ANO10: variants seen among roughly 807,000 people sequenced by gnomAD.
ANO10 encodes anoctamin-10.
A neutral mutation model predicts 74.7 loss-of-function variants in ANO10; 77 were observed. That is an observed-to-expected ratio of 1.03 (90% CI 0.86 to 1.25). The LOEUF (loss-of-function observed/expected upper bound fraction) is 1.25, where lower values mean the gene tolerates loss of function less well. Ranked by LOEUF, ANO10 falls within the 50% of genes most tolerant of loss-of-function variation. The probability of loss-of-function intolerance (pLI) is 0.00; values close to 1 mark genes in which losing one functional copy is unlikely to be tolerated. For synonymous variants in ANO10, 279 were observed against 284.9 expected (o/e 0.98, Z 0.21); for missense variants, 721 against 778.1 (o/e 0.93, Z 0.87).
intron 1 of ANO10, chr3:43,690,265 G>A (rs930043399): frequency 6.6e-6 from 1 of 152,278 alleles, no homozygotes; most frequent in African/African-American, 2.4e-5. Flanking sequence ...CTTCAGCTCA[G>A]GCTGGTCTCC....
intron 12 of ANO10, chr3:43,372,702 T>C: frequency 4.3e-6 from 3 of 700,900 alleles, no homozygotes; most frequent in Non-Finnish European, 7.3e-6. Context: ...GCAGATTTTT[T>C]TTCTGTCTTA....
chr3:43,395,584 T>C (rs1388254789), intron 12 of ANO10, among the ~76,000 whole-genome samples: 1 of 152,196 alleles, frequency 6.6e-6, no homozygotes, highest in Non-Finnish European at 1.5e-5. Flanking sequence ...CAAAAATCAG[T>C]AGTACATACA....
At chr3:43,637,194 G>T (rs145676295) in intron 1 of ANO10, among the ~76,000 whole-genome samples, 1 of 151,044 alleles carries the variant, frequency 6.6e-6, no homozygotes, top group Non-Finnish European at 1.5e-5. Flanking sequence ...AAAGCTGGGT[G>T]CGGTGGCTCA....
Position 43,662,638 on chromosome 3 carries a change from A to G in ANO10, c.-12+28879T>C, listed in dbSNP as rs371051960. On this transcript the variant is annotated intron_variant, in intron 1 of 3. Transcript: ENST00000413397. ...GATTTTTTGAAAAGATCAACAAAAT[A>G]GACCGCTACCAAGACTAGTGAAGAA... is the stretch of plus-strand genomic sequence containing the variant. Among the ~76,000 whole-genome samples, 4 of 152,290 alleles carry G rather than the reference A, an allele frequency of 2.6e-5. No homozygotes were observed. In the East Asian group the frequency reaches 5.8e-4, roughly 22 times the overall value.
intron 11 of ANO10, among the ~76,000 whole-genome samples, chr3:43,511,449 G>A (rs778781955): frequency 4.7e-4 from 71 of 152,178 alleles, no homozygotes; most frequent in African/African-American, 8.7e-4. Flanking sequence ...TTAAATTAAC[G>A]TCTAACATCC....
rs1258356898 is a variant in ANO10 at position 43,600,168 on chromosome 3, C to G, written c.337+216G>C. On this transcript the variant is annotated intron_variant, in intron 3 of 12. Coordinates refer to ENST00000292246, the MANE Select transcript of ANO10 (RefSeq NM_018075.5). ...TTTATAAATACAGTTTTATTGAACA[C>G]AGCCTCGCCCATTCATTTACTTATG... 2.0e-5 allele frequency among the ~76,000 whole-genome samples: 3 copies of G among 152,232 alleles called. No individual in the cohort carries two copies. In the East Asian group the frequency reaches 5.8e-4, roughly 29 times the overall value.
At chr3:43,621,804 C>T (rs1488355082) in intron 1 of ANO10, 105 bp downstream of exon 1, 1 of 152,962 alleles carries the variant, frequency 6.5e-6, no homozygotes, top group African/African-American at 2.4e-5. Flanking sequence ...AGGGCGGCGA[C>T]CAGGCGGAGC....
intron 1 of ANO10, among the ~76,000 whole-genome samples, chr3:43,630,560 G>A (rs1481030467): frequency 6.6e-6 from 1 of 152,100 alleles, no homozygotes; most frequent in Non-Finnish European, 1.5e-5. Flanking sequence ...GAGTATATAT[G>A]CCCCAAGTAA....
chr3:43,506,273 C>G (rs1054654760), intron 11 of ANO10, among the ~76,000 whole-genome samples: 5 of 152,172 alleles, frequency 3.3e-5, no homozygotes, highest in African/African-American at 1.2e-4. Context: ...CCCCTCACCT[C>G]CAACGTATTA....
At chr3:43,586,280 G>A (rs114697207) in intron 4 of ANO10, among the ~76,000 whole-genome samples, 117 of 152,222 alleles carry the variant, frequency 7.7e-4, no homozygotes, top group Non-Finnish European at 1.5e-3. Flanking sequence ...AAGGATGGAA[G>A]GTAACTAGCT....
At chr3:43,373,841 G>A (rs1056748644) in intron 12 of ANO10, among the ~76,000 whole-genome samples, 3 of 152,180 alleles carry the variant, frequency 2.0e-5, no homozygotes, top group Non-Finnish European at 4.4e-5. Flanking sequence ...AGAAAGAGCT[G>A]GATGCTAACA....
intron 2 of ANO10, among the ~76,000 whole-genome samples, chr3:43,602,532 C>T (rs1354747096): frequency 6.6e-6 from 1 of 152,166 alleles, no homozygotes; most frequent in African/African-American, 2.4e-5. Flanking sequence ...GATGGGGTTT[C>T]ACTGTGTTAG....
chr3:43,396,075 T>A lies in ANO10; in HGVS notation c.1915-29101A>T, dbSNP rs538670133. Among the ~76,000 whole-genome samples, 1,232 of 149,374 alleles carry A rather than the reference T, an allele frequency of 8.2e-3. 15 individuals carry two copies. The highest frequency in any genetic ancestry group is 0.027 in the African/African-American group (1,106 of 41,230). On this transcript the variant is annotated intron_variant, in intron 12 of 12. Coordinates refer to ENST00000292246, the MANE Select transcript of ANO10 (RefSeq NM_018075.5). ...AATGCCTTTTATTAATTTATTTATT[T>A]ATTTTTTTTTTTTGCTTGATGGCGC...
chr3:43,487,423 C>A (rs1350749576), intron 11 of ANO10, among the ~76,000 whole-genome samples: 1 of 152,010 alleles, frequency 6.6e-6, no homozygotes, highest in Non-Finnish European at 1.5e-5. Context: ...AGCTGTGAAT[C>A]CATCTGGTCC....
chr3:43,475,648 G>A (rs1462585079), intron 11 of ANO10, among the ~76,000 whole-genome samples: 1 of 152,172 alleles, frequency 6.6e-6, no homozygotes, highest in African/African-American at 2.4e-5. Flanking sequence ...GCCTAGGCTG[G>A]AGTGCAATGG....
At chr3:43,522,665 C>T (rs4462942) in intron 11 of ANO10, among the ~76,000 whole-genome samples, 138,949 of 152,236 alleles carry the variant, frequency 0.91, 63,799 homozygotes, top group Non-Finnish European at 0.97. Flanking sequence ...TCTGGTGTAT[C>T]TGGGCAAAGA....
chr3:43,457,463 A>G (rs1225049741), intron 11 of ANO10, among the ~76,000 whole-genome samples: 1 of 152,170 alleles, frequency 6.6e-6, no homozygotes, highest in Non-Finnish European at 1.5e-5. Context: ...GAGAGAAGGG[A>G]GCAAGAGAGG....
intron 12 of ANO10, among the ~76,000 whole-genome samples, chr3:43,370,259 C>G (rs2091560532): frequency 6.6e-6 from 1 of 152,208 alleles, no homozygotes; most frequent in Admixed American, 6.5e-5. Flanking sequence ...GTCTCATGGC[C>G]ACTTAAGAAT....
At chr3:43,623,242 A>G (rs753284832), upstream of ANO10, among the ~76,000 whole-genome samples, 3 of 151,820 alleles carry the variant, frequency 2.0e-5, no homozygotes, top group Non-Finnish European at 4.4e-5. Context: ...AGATATTTGG[A>G]GAGAGAGAGA....
Sources: allele counts gnomAD v4.1 joint callset (sites outside exome capture counted in the v4.1 genomes callset), GRCh38; gene constraint gnomAD v4.1.1; transcripts MANE v1.5; gene names NCBI Gene and HGNC (gene_info 2026-07-23, HGNC 2026-07-21).